Variants in TPRG1 observed in about 807,000 individuals in gnomAD.
The protein encoded by TPRG1 is tumor protein p63 regulated 1, also known as tumor protein p63-regulated gene 1 protein.
In TPRG1, 29 loss-of-function variants were observed where a neutral mutation model predicts 29.3. The ratio of observed to expected loss-of-function variants is 0.99; its 90% CI spans 0.74 to 1.35. The LOEUF is 1.35. Ranked by LOEUF, TPRG1 falls within the 40% of genes most tolerant of loss-of-function variation. The pLI, the probability that TPRG1 is intolerant of heterozygous loss-of-function variation, is 0.00. For missense variants in TPRG1, 327 were observed against 335.0 expected (o/e 0.98, Z 0.19); for synonymous variants, 130 against 116.8 (o/e 1.11, Z -0.73).
At chr3:189,063,981 G>A (rs1656913367) in intron 4 of TPRG1, among the ~76,000 whole-genome samples, 1 of 152,132 alleles carries the variant, frequency 6.6e-6, no homozygotes, top group Non-Finnish European at 1.5e-5. Flanking sequence ...TCAGGCACAA[G>A]CTTCTAAGAA....
chr3:189,124,292 C>T (rs137952697), intron 1 of TPRG1, among the ~76,000 whole-genome samples: 2 of 152,012 alleles, frequency 1.3e-5, no homozygotes, highest in East Asian at 1.9e-4. Flanking sequence ...AACATAGTGG[C>T]TTAGAAAAGA....
At chr3:189,167,191 C>T (rs4687024), upstream of TPRG1, among the ~76,000 whole-genome samples, 41,262 of 152,024 alleles carry the variant, frequency 0.27, 5,971 homozygotes, top group South Asian at 0.42. Context: ...CACACTTCCT[C>T]CTGAGCCCTG....
At chr3:189,147,497 GA>G (rs1211709881) in intron 3 of TPRG1, 1 of 152,236 alleles carries the variant, frequency 6.6e-6, no homozygotes, top group Non-Finnish European at 1.5e-5. Flanking sequence ...AAAAGAAGTG[GA>G]AATTGAGACT....
intron 4 of TPRG1, among the ~76,000 whole-genome samples, chr3:189,063,555 A>C (rs1198812281): frequency 6.6e-6 from 1 of 152,172 alleles, no homozygotes; most frequent in African/African-American, 2.4e-5. Flanking sequence ...CTGAAATCAT[A>C]CAGTGTGTTT....
chr3:189,298,176 T>C (rs369637966), intron 4 of TPRG1, among the ~76,000 whole-genome samples: 4 of 152,318 alleles, frequency 2.6e-5, no homozygotes, highest in South Asian at 2.1e-4. Flanking sequence ...TCAGGAAACA[T>C]TGGCATTTCT....
chr3:189,060,227 C>A (rs140077921), intron 4 of TPRG1, among the ~76,000 whole-genome samples: 3 of 152,012 alleles, frequency 2.0e-5, no homozygotes, highest in Admixed American at 2.0e-4. Flanking sequence ...AGCGAAAATC[C>A]GTCTCAAAAA....
chr3:189,095,180 C>G (rs537108698), upstream of TPRG1, among the ~76,000 whole-genome samples: 3 of 152,302 alleles, frequency 2.0e-5, no homozygotes, highest in Admixed American at 2.0e-4. Flanking sequence ...CTGCAAGGCT[C>G]TGCAATGGAA....
At chr3:189,225,824 A>T (rs1246932299) in intron 3 of TPRG1, among the ~76,000 whole-genome samples, 1 of 152,184 alleles carries the variant, frequency 6.6e-6, no homozygotes, top group Non-Finnish European at 1.5e-5. Context: ...ACAGTCCAAG[A>T]GTTGCTGTGG....
intron 4 of TPRG1, chr3:189,240,706 A>T (rs7627826): frequency 1.3e-5 from 2 of 152,072 alleles, no homozygotes; most frequent in Non-Finnish European, 2.9e-5. Context: ...CCCACGACAC[A>T]TGGGAATTGT....
chr3:189,093,662 T>C (rs1430157884), intron 4 of TPRG1, among the ~76,000 whole-genome samples: 2 of 152,178 alleles, frequency 1.3e-5, no homozygotes, highest in Non-Finnish European at 2.9e-5. Context: ...TTTCAGGATG[T>C]GGATAGACAA....
chr3:189,206,826 T>TGTGTGTGTGC (rs905110086), intron 1 of TPRG1, among the ~76,000 whole-genome samples: 29 of 152,016 alleles, frequency 1.9e-4, no homozygotes, highest in African/African-American at 6.8e-4. Context: ...TGTGTGTGTG[T>TGTGTGTGTGC]GTGCACGCGT....
intron 3 of TPRG1, among the ~76,000 whole-genome samples, chr3:189,226,136 C>A (rs959517719): frequency 2.1e-4 from 32 of 152,232 alleles, no homozygotes; most frequent in African/African-American, 7.7e-4. Context: ...AAACTCAACA[C>A]CATCAATCAG....
At chr3:189,312,173 CT>C (rs1722737879) in intron 5 of TPRG1, among the ~76,000 whole-genome samples, 1 of 63,452 alleles carries the variant, frequency 1.6e-5, no homozygotes, top group African/African-American at 6.4e-5. Context: ...TTCTTTCTTT[CT>C]TTCTTTCTTT....
intron 1 of TPRG1, among the ~76,000 whole-genome samples, chr3:189,174,063 T>C (rs1729170391): frequency 6.6e-6 from 1 of 152,212 alleles, no homozygotes; most frequent in African/African-American, 2.4e-5. Context: ...TTATATTTTC[T>C]GGGATCTTCC....
At chr3:189,245,349 T>C (rs1741220649) in intron 4 of TPRG1, among the ~76,000 whole-genome samples, 1 of 152,216 alleles carries the variant, frequency 6.6e-6, no homozygotes, top group Non-Finnish European at 1.5e-5. Flanking sequence ...TCTACAGTTA[T>C]AAATTTCCTT....
In TPRG1 at chr3:189,238,770, C is replaced by G; in HGVS notation, c.340C>G (p.Leu114Val). ...GAACAATGAGAAGGAGAGAATTCTA[C>G]TGGTCACAGACAAGACTCTCTTGAT... is the stretch of plus-strand genomic sequence containing the variant. Reference protein sequence around the residue: ...HWNNEKERILLVTDKTLLICK... With the variant: ...HWNNEKERILVVTDKTLLICK... Residue 114 changes from leucine (L) to valine (V), a missense_variant, in exon 4 of 6, where the codon CTG (leucine) becomes GTG (valine). Leu to Val is a conservative substitution (Grantham distance 32). Transcript: ENST00000345063. 6.2e-7 allele frequency: 1 copy of G among 1,613,286 alleles called. No individual in the cohort carries two copies. The highest frequency in any genetic ancestry group is 1.1e-5 in the South Asian group (1 of 90,998).
chr3:189,207,181 C>G (rs1287906332), intron 1 of TPRG1, 195 bp from the exon 2 acceptor site: 4 of 984,614 alleles, frequency 4.1e-6, no homozygotes, highest in Admixed American at 1.2e-4. Flanking sequence ...TGGTAAATGA[C>G]CTTGCAGGAT....
intron 5 of TPRG1, among the ~76,000 whole-genome samples, chr3:189,162,978 A>G (rs559793056): frequency 3.3e-5 from 5 of 152,330 alleles, no homozygotes; most frequent in African/African-American, 9.6e-5. Flanking sequence ...TTGATTTAAC[A>G]TAGAGTTCTT....
chr3:189,318,199 C>T (rs1280865390), intron 5 of TPRG1, among the ~76,000 whole-genome samples: 1 of 152,110 alleles, frequency 6.6e-6, no homozygotes, highest in Non-Finnish European at 1.5e-5. Context: ...AACATCCTAA[C>T]ATGCAGAAGA....
Sources: allele counts gnomAD v4.1 joint callset (sites outside exome capture counted in the v4.1 genomes callset), GRCh38; gene constraint gnomAD v4.1.1; transcripts MANE v1.5; gene names NCBI Gene and HGNC (gene_info 2026-07-23, HGNC 2026-07-21).